Variants in KDM5A observed in about 807,000 individuals in gnomAD.
The protein encoded by KDM5A is lysine-specific demethylase 5A.
A neutral mutation model predicts 193.5 loss-of-function variants in KDM5A; 42 were observed. The ratio of observed to expected loss-of-function variants is 0.22; its 90% CI spans 0.17 to 0.28. The LOEUF is 0.28. Ranked by LOEUF, KDM5A falls within the 10% of genes least tolerant of loss-of-function variation. The pLI is 1.00. For synonymous variants in KDM5A, 796 were observed against 718.1 expected (o/e 1.11, Z -1.73); for missense variants, 1,692 against 2,055.1 (o/e 0.82, Z 3.42).
intron 14 of KDM5A, among the ~76,000 whole-genome samples, chr12:326,817 A>G (rs1482106860): frequency 6.9e-6 from 1 of 145,068 alleles, no homozygotes; most frequent in African/African-American, 2.5e-5. Context: ...GTGAGCCAAG[A>G]TCGCGCCACT....
chr12:387,348 ATTT>A (rs1442875539), intron 1 of KDM5A: 4 of 246,368 alleles, frequency 1.6e-5, no homozygotes, highest in Non-Finnish European at 3.3e-5. Context: ...TTATTTCAGC[ATTT>A]TTTTAAGTAA....
chr12:353,860 T>G (rs890793211), intron 8 of KDM5A, among the ~76,000 whole-genome samples: 1 of 148,232 alleles, frequency 6.7e-6, no homozygotes, highest in Non-Finnish European at 1.5e-5. Flanking sequence ...AGGTGGAGGT[T>G]GCAGTGAGCT....
chr12:340,353 T>C, intron 10 of KDM5A, among the ~76,000 whole-genome samples: 1 of 152,056 alleles, frequency 6.6e-6, no homozygotes, highest in Non-Finnish European at 1.5e-5. Context: ...AGAGACTGTA[T>C]CCCATGGCAA....
chr12:354,223 A>G lies in KDM5A; in HGVS notation c.882T>C (p.Tyr294=). 1 of 1,607,022 alleles carries G rather than the reference A, an allele frequency of 6.2e-7. No homozygotes were observed. The highest frequency in any genetic ancestry group is 8.5e-7 in the Non-Finnish European group (1 of 1,173,900). The change falls in exon 8 of 28, where the codon TAT becomes TAC. Residue 294 remains tyrosine, a synonymous_variant. Transcript: ENST00000399788. ...GTLSVNFVDL[Y]VCMFCGRGNN... ...TTCCCCGACCACAAAACATACAAACATAGAGATCAACCTGTTAAAAAAAAA... is the reference window on the plus strand; with the variant it reads ...TTCCCCGACCACAAAACATACAAACGTAGAGATCAACCTGTTAAAAAAAAA...
chr12:333,535 C>G lies in KDM5A; in HGVS notation c.1605G>C (p.Gln535His), dbSNP rs1465433408. Residue 535 changes from glutamine (Q) to histidine (H), a missense_variant, in exon 12 of 28, where the codon CAG (glutamine) becomes CAC (histidine). Coordinates refer to ENST00000399788, the MANE Select transcript of KDM5A (RefSeq NM_001042603.3). ...LFESQPDLLHQLVTIMNPNVL... is the reference protein window; with the variant it reads ...LFESQPDLLHHLVTIMNPNVL... ...CGTTGGGGTTCATGATGGTAACTAACTGATGCAGAAGATCAGGCTGGGATT... is the reference window on the plus strand; with the variant it reads ...CGTTGGGGTTCATGATGGTAACTAAGTGATGCAGAAGATCAGGCTGGGATT... 3 of 1,614,108 alleles carry G rather than the reference C, an allele frequency of 1.9e-6. No homozygotes were observed. In the African/African-American group the frequency reaches 4.0e-5, roughly 22 times the overall value.
At chr12:309,047 TAA>T (rs1219793133) in intron 22 of KDM5A, among the ~76,000 whole-genome samples, 1 of 152,212 alleles carries the variant, frequency 6.6e-6, no homozygotes, top group East Asian at 1.9e-4. Flanking sequence ...ATTACATTCC[TAA>T]GAGTCAAGTC....
intron 3 of KDM5A, among the ~76,000 whole-genome samples, chr12:369,660 C>T (rs1396935733): frequency 2.6e-5 from 4 of 152,060 alleles, no homozygotes; most frequent in African/African-American, 9.7e-5. Context: ...AGGGAACAGA[C>T]AAAGCAAAGG....
chr12:360,053 A>G (rs1453399076), intron 5 of KDM5A, among the ~76,000 whole-genome samples: 4 of 152,106 alleles, frequency 2.6e-5, no homozygotes, highest in Admixed American at 6.6e-5. Flanking sequence ...AGGCAGGCAG[A>G]TCACTTCAGG....
chr12:375,016 CTTCAT>C (rs1487074961), intron 3 of KDM5A, among the ~76,000 whole-genome samples: 1 of 152,062 alleles, frequency 6.6e-6, no homozygotes, highest in Non-Finnish European at 1.5e-5. Context: ...ACATTTTTTC[CTTCAT>C]TTCAACTTTG....
chr12:388,800 C>G, intron 1 of KDM5A, 127 bp downstream of exon 1: 1 of 1,194,838 alleles, frequency 8.4e-7, no homozygotes, highest in Non-Finnish European at 1.2e-6. Context: ...CATCCAGAAA[C>G]AGGCTCCAGT....
At chr12:310,463 T>C (rs1943569688) in intron 21 of KDM5A, among the ~76,000 whole-genome samples, 1 of 151,932 alleles carries the variant, frequency 6.6e-6, no homozygotes, top group African/African-American at 2.4e-5. Context: ...TGAAATCCCA[T>C]CTCCACCAAA....
chr12:377,003 G>GGAGC (rs1190900829), intron 3 of KDM5A, among the ~76,000 whole-genome samples: 1 of 149,834 alleles, frequency 6.7e-6, no homozygotes, highest in Non-Finnish European at 1.5e-5. Flanking sequence ...AGGCTTCAGA[G>GGAGC]GAGTCCCCTT....
intron 14 of KDM5A, among the ~76,000 whole-genome samples, chr12:325,137 T>C (rs1187042768): frequency 6.6e-6 from 1 of 152,220 alleles, no homozygotes; most frequent in African/African-American, 2.4e-5. Flanking sequence ...TATTCTCTTA[T>C]CTTTCCATTT....
intron 24 of KDM5A, among the ~76,000 whole-genome samples, chr12:301,534 AAAT>A (rs1256847225): frequency 1.3e-5 from 2 of 152,220 alleles, no homozygotes; most frequent in Non-Finnish European, 2.9e-5. Flanking sequence ...ATGTATCTCA[AAAT>A]AATAAGAGCT....
At chr12:333,741 G>A in intron 11 of KDM5A, 92 bp from the exon 12 acceptor site, 1 of 1,199,434 alleles carries the variant, frequency 8.3e-7, no homozygotes, top group Non-Finnish European at 1.2e-6. Flanking sequence ...TAATTAACTT[G>A]TCTTATTCCA....
At position 375,657 on chromosome 12, in the gene KDM5A, T is replaced by C. The variant is rs117711267; in HGVS notation, c.366+8374A>G. Among the ~76,000 whole-genome samples, 41 of 152,350 alleles carry C rather than the reference T, an allele frequency of 2.7e-4. 1 individual carries two copies. The East Asian group carries it at 7.9e-3, about 29-fold the overall frequency. On this transcript the variant is annotated intron_variant, in intron 3 of 27. Transcript: ENST00000399788. ...TTGGCGGGGGAGAGGTGCTCTGCTC[T>C]GATTTTTCTAATTTTCAGTTTTTCT...
chr12:338,005 A>C (rs1369607227), intron 10 of KDM5A, among the ~76,000 whole-genome samples: 3 of 152,206 alleles, frequency 2.0e-5, no homozygotes, highest in African/African-American at 7.2e-5. Context: ...AAATTGCATA[A>C]TAAATTCCCA....
At chr12:363,187 T>A (rs1944313980) in intron 4 of KDM5A, 90 bp from the exon 5 acceptor site, 1 of 1,424,198 alleles carries the variant, frequency 7.0e-7, no homozygotes, top group South Asian at 1.2e-5. Flanking sequence ...TGCCAATGAA[T>A]CCCTAAAACT....
At chr12:370,580 C>G (rs1039130187) in intron 3 of KDM5A, among the ~76,000 whole-genome samples, 3 of 150,794 alleles carry the variant, frequency 2.0e-5, no homozygotes, top group Non-Finnish European at 4.4e-5. Context: ...AAAGTAGTAT[C>G]GCTCAAGACC....
Sources: gnomAD v4.1 joint callset for allele counts (sites outside exome capture counted in the v4.1 genomes callset) on GRCh38, gnomAD v4.1.1 for gene constraint, MANE v1.5 for transcripts, NCBI Gene and HGNC (gene_info 2026-07-23, HGNC 2026-07-21) for gene names.